The following EDIL3 variants were observed in gnomAD, a reference collection of about 807,000 sequenced individuals.
The protein encoded by EDIL3 is EGF-like repeat and discoidin I-like domain-containing protein 3.
EDIL3 carries 37 observed loss-of-function variants against 67.4 expected under a neutral mutation model. The ratio of observed to expected loss-of-function variants is 0.55; its 90% confidence interval spans 0.42 to 0.72. The LOEUF is 0.72. Among genes scored for constraint, EDIL3 ranks in the 30% least tolerant of loss-of-function variants. EDIL3 has a pLI of 0.00. For synonymous variants in EDIL3, 195 were observed against 196.3 expected (o/e 0.99, Z 0.05); for missense variants, 527 against 586.3 (o/e 0.90, Z 1.04).
intron 1 of EDIL3, among the ~76,000 whole-genome samples, chr5:84,312,184 G>A (rs1246055237): frequency 1.3e-5 from 2 of 148,930 alleles, no homozygotes; most frequent in Admixed American, 6.6e-5. Context: ...TGGCCGGGCG[G>A]GGGCTGACCC....
At chr5:84,361,270 AACACAC>A (rs10553087) in intron 1 of EDIL3, among the ~76,000 whole-genome samples, 1,901 of 147,486 alleles carry the variant, frequency 0.013, 43 homozygotes, top group African/African-American at 0.044. Context: ...AGGTCATTAC[AACACAC>A]ACACACACAC....
chr5:84,334,561 A>T (rs1370075078), intron 1 of EDIL3, among the ~76,000 whole-genome samples: 3 of 152,114 alleles, frequency 2.0e-5, no homozygotes, highest in Admixed American at 2.0e-4. Context: ...CCTTTCAGAG[A>T]TACATACCTA....
chr5:84,282,425 G>A (rs1006171504), intron 1 of EDIL3, among the ~76,000 whole-genome samples: 7 of 151,882 alleles, frequency 4.6e-5, no homozygotes, highest in African/African-American at 7.3e-5. Flanking sequence ...AAATTTATCC[G>A]TTTTACCCAG....
chr5:84,104,217 G>C (rs1254183190), intron 6 of EDIL3, among the ~76,000 whole-genome samples: 1 of 151,846 alleles, frequency 6.6e-6, no homozygotes, highest in Non-Finnish European at 1.5e-5. Context: ...AACAGATAGT[G>C]GGACTTACCT....
Position 84,060,474 on chromosome 5 carries a change from C to T in EDIL3, c.963G>A (p.Glu321=). 1 of 1,613,430 alleles carries T rather than the reference C, an allele frequency of 6.2e-7. No homozygotes were observed. Among genetic ancestry groups the T allele is most frequent in the Non-Finnish European group, 8.5e-7 (1 of 1,179,708 alleles). Residue 321 remains glutamate (E), a synonymous_variant, in exon 9 of 11, where the codon GAG becomes GAA. Coordinates refer to ENST00000296591, the MANE Select transcript of EDIL3 (RefSeq NM_005711.5). ...TATGTCCTGATTTCATACCCAGAGGCTCAGAACAACCTGAAAGAAAATGAG... is the reference window on the plus strand; with the variant it reads ...TATGTCCTGATTTCATACCCAGAGGTTCAGAACAACCTGAAAGAAAATGAG... ...LLGCELSGCS[E]PLGMKSGHIQ...
chr5:84,279,406 G>A (rs1745651810), intron 1 of EDIL3, among the ~76,000 whole-genome samples: 1 of 152,086 alleles, frequency 6.6e-6, no homozygotes, highest in African/African-American at 2.4e-5. Context: ...CATAAATACT[G>A]TAATCTGCAT....
At chr5:84,201,345 T>C (rs1743829480) in intron 3 of EDIL3, among the ~76,000 whole-genome samples, 1 of 152,104 alleles carries the variant, frequency 6.6e-6, no homozygotes, top group South Asian at 2.1e-4. Flanking sequence ...TTGTTTCTGG[T>C]AAATAAATGT....
intron 10 of EDIL3, among the ~76,000 whole-genome samples, chr5:83,955,401 C>T (rs942014045): frequency 1.5e-5 from 2 of 133,138 alleles, no homozygotes; most frequent in Non-Finnish European, 3.2e-5. Flanking sequence ...TGTTTTCACA[C>T]ATATTTTTTC....
At chr5:84,208,312 G>T (rs989097657) in intron 3 of EDIL3, among the ~76,000 whole-genome samples, 22 of 152,214 alleles carry the variant, frequency 1.4e-4, no homozygotes, top group Admixed American at 1.0e-3. Flanking sequence ...CATCATCCCT[G>T]GCCATCAGAG....
chr5:84,003,173 C>T (rs1022722906), intron 9 of EDIL3, among the ~76,000 whole-genome samples: 2 of 152,218 alleles, frequency 1.3e-5, no homozygotes, highest in African/African-American at 4.8e-5. Context: ...TCCCCCAGGT[C>T]CCCGCTCTTC....
At chr5:84,356,900 T>TTC (rs1747498213) in intron 1 of EDIL3, among the ~76,000 whole-genome samples, 1 of 143,914 alleles carries the variant, frequency 6.9e-6, no homozygotes, top group African/African-American at 2.6e-5. Context: ...TTTTTTTTTT[T>TTC]TTTTTTTTTT....
intron 2 of EDIL3, among the ~76,000 whole-genome samples, chr5:84,253,493 C>T (rs1745072163): frequency 6.6e-6 from 1 of 152,094 alleles, no homozygotes; most frequent in South Asian, 2.1e-4. Context: ...ACTCTAAATC[C>T]ATAAGTATAC....
chr5:84,271,751 G>A (rs1337335733), intron 1 of EDIL3, among the ~76,000 whole-genome samples: 1 of 151,960 alleles, frequency 6.6e-6, no homozygotes, highest in East Asian at 1.9e-4. Context: ...AATACCATTA[G>A]GAATAAAATT....
chr5:84,312,016 A>C (rs1465903973), intron 1 of EDIL3, among the ~76,000 whole-genome samples: 6 of 152,062 alleles, frequency 3.9e-5, no homozygotes, highest in South Asian at 2.1e-4. Context: ...GCCTTTCCCC[A>C]CTTTCTATTC....
At chr5:84,155,011 T>G (rs1233039913) in intron 4 of EDIL3, among the ~76,000 whole-genome samples, 1 of 152,130 alleles carries the variant, frequency 6.6e-6, no homozygotes, top group Non-Finnish European at 1.5e-5. Flanking sequence ...TGCTTCTTAT[T>G]CTAAGTTTAG....
chr5:84,164,998 A>T (rs761565097), intron 4 of EDIL3, among the ~76,000 whole-genome samples: 3 of 152,074 alleles, frequency 2.0e-5, no homozygotes, highest in Non-Finnish European at 4.4e-5. Flanking sequence ...ACAATGGGAA[A>T]TTAAGGATCC....
chr5:84,178,357 T>C (rs546172618), intron 4 of EDIL3, among the ~76,000 whole-genome samples: 2 of 152,302 alleles, frequency 1.3e-5, no homozygotes, highest in African/African-American at 4.8e-5. Flanking sequence ...ATCTAGGTCA[T>C]AAAACTATTA....
At chr5:84,259,455 G>A (rs918891635) in intron 1 of EDIL3, among the ~76,000 whole-genome samples, 1 of 152,142 alleles carries the variant, frequency 6.6e-6, no homozygotes, top group African/African-American at 2.4e-5. Flanking sequence ...GCTTAGATTA[G>A]GACAGATGTG....
rs144848131 is a variant in EDIL3 at position 84,092,116 on chromosome 5, T to C, written c.651+14533A>G. On this transcript the variant is annotated intron_variant, in intron 6 of 10. Coordinates refer to ENST00000296591, the MANE Select transcript of EDIL3 (RefSeq NM_005711.5). ...CAATTTAACTGGTCATGTGAAGAGATATCAAGACGGAACCAGAGTGAATTT... is the reference window on the plus strand; with the variant it reads ...CAATTTAACTGGTCATGTGAAGAGACATCAAGACGGAACCAGAGTGAATTT... Among the ~76,000 whole-genome samples, 583 of 152,244 alleles carry C rather than the reference T, an allele frequency of 3.8e-3. 3 individuals are homozygous for C. Among genetic ancestry groups the C allele is most frequent in the Non-Finnish European group, 6.4e-3 (438 of 68,018 alleles).
Sources: allele counts gnomAD v4.1 joint callset (sites outside exome capture counted in the v4.1 genomes callset), GRCh38; gene constraint gnomAD v4.1.1; transcripts MANE v1.5; gene names NCBI Gene and HGNC (gene_info 2026-07-23, HGNC 2026-07-21).